ORC4: variants seen among roughly 807,000 people sequenced by gnomAD.
ORC4 encodes the protein origin recognition complex, subunit 4 homolog.
Under a neutral mutation model 63.9 loss-of-function variants are expected in ORC4, and 55 were observed. The observed-to-expected ratio is 0.86, with a 90% CI of 0.69 to 1.08. ORC4 has a LOEUF of 1.08. Ranked by LOEUF, ORC4 falls within the 50% of genes least tolerant of loss-of-function variation. The pLI, the probability that ORC4 is intolerant of heterozygous loss-of-function variation, is 0.00. For missense variants in ORC4, 511 were observed against 504.4 expected, an observed-to-expected ratio of 1.01 and a Z score of -0.13; for synonymous variants, 150 against 168.5, an observed-to-expected ratio of 0.89 and a Z score of 0.85.
intron 11 of ORC4, among the ~76,000 whole-genome samples, 183 bp downstream of exon 11, chr2:147,938,957 A>C (rs988741884): frequency 6.6e-6 from 1 of 152,178 alleles, no homozygotes; most frequent in African/African-American, 2.4e-5. Context: ...CAGAGCGTCA[A>C]ATTTTTTTTT....
chr2:147,964,059 G>C (rs1303534357), intron 4 of ORC4, among the ~76,000 whole-genome samples: 1 of 152,002 alleles, frequency 6.6e-6, no homozygotes, highest in Non-Finnish European at 1.5e-5. Flanking sequence ...ACATAAAAAA[G>C]CAAGAAAACA....
intron 1 of ORC4, among the ~76,000 whole-genome samples, chr2:148,013,808 C>T (rs1693110196): frequency 6.6e-6 from 1 of 152,032 alleles, no homozygotes; most frequent in Non-Finnish European, 1.5e-5. Flanking sequence ...AAAAGAAAGA[C>T]AATTAGGGTT....
intron 1 of ORC4, among the ~76,000 whole-genome samples, chr2:148,010,209 T>C (rs977611918): frequency 6.6e-6 from 1 of 152,026 alleles, no homozygotes; most frequent in Admixed American, 6.6e-5. Flanking sequence ...CTAAAGGGAA[T>C]GTTTATAGCA....
At chr2:147,980,876 T>C (rs934247576) in intron 1 of ORC4, among the ~76,000 whole-genome samples, 2 of 152,112 alleles carry the variant, frequency 1.3e-5, no homozygotes, top group Admixed American at 6.5e-5. Flanking sequence ...CATCAATATA[T>C]ACAAAGGAAA....
At chr2:147,948,531 C>A (rs572837807) in intron 8 of ORC4, among the ~76,000 whole-genome samples, 1 of 151,814 alleles carries the variant, frequency 6.6e-6, no homozygotes, top group African/African-American at 2.4e-5. Flanking sequence ...ACAATAACAC[C>A]AAGAGTGTCA....
In ORC4 at chr2:148,008,699, A is replaced by G. The variant is rs534146378; in HGVS notation, c.-18+11934T>C. The stretch of plus-strand genomic sequence containing the variant: ...CCTGTCATTCTCTTTAAATTAGCCA[A>G]TTGGAATTAGTTTAGCCCGTGCGGT... On this transcript the variant is annotated intron_variant, in intron 1 of 13. Coordinates refer to ENST00000392857, the MANE Select transcript of ORC4 (RefSeq NM_181741.4). Among the ~76,000 whole-genome samples, 7 of 152,168 alleles carry G rather than the reference A, an allele frequency of 4.6e-5. No individual in the cohort carries two copies. In the East Asian group the frequency reaches 7.7e-4, roughly 17 times the overall value.
At chr2:147,975,690 T>G (rs978247707) in intron 2 of ORC4, among the ~76,000 whole-genome samples, 2 of 152,162 alleles carry the variant, frequency 1.3e-5, no homozygotes, top group Non-Finnish European at 2.9e-5. Flanking sequence ...ACATTTAATT[T>G]TGACAGAGTT....
At chr2:148,009,026 G>A (rs1692791307) in intron 1 of ORC4, among the ~76,000 whole-genome samples, 1 of 152,100 alleles carries the variant, frequency 6.6e-6, no homozygotes, top group African/African-American at 2.4e-5. Flanking sequence ...TGGAGTAGAA[G>A]TGTACAGGTT....
At chr2:148,005,301 C>T (rs996059291) in intron 1 of ORC4, among the ~76,000 whole-genome samples, 5 of 151,972 alleles carry the variant, frequency 3.3e-5, no homozygotes, top group Non-Finnish European at 5.9e-5. Flanking sequence ...CAAACTAATA[C>T]AGGAACAGAA....
chr2:147,993,014 TA>T (rs1691718685), intron 1 of ORC4, among the ~76,000 whole-genome samples: 1 of 152,206 alleles, frequency 6.6e-6, no homozygotes. Flanking sequence ...TGCTGTTCCA[TA>T]CCCGGAAGGA....
intron 9 of ORC4, among the ~76,000 whole-genome samples, chr2:147,946,852 T>C (rs1688686206): frequency 6.6e-6 from 1 of 152,030 alleles, no homozygotes; most frequent in African/African-American, 2.4e-5. Flanking sequence ...GTAGACCAAG[T>C]AATTATTCCA....
chr2:147,943,526 A>G lies in ORC4; in HGVS notation c.763-4T>C. The G allele has an allele frequency of 1.3e-6, 2 of 1,505,580 alleles. No homozygotes were observed. The highest frequency in any genetic ancestry group is 1.8e-6 in the Non-Finnish European group (2 of 1,103,288). The allele number at this position is 1,505,580 out of a possible 1,614,324, so 93.3% of individuals were successfully genotyped here. Reference sequence around the variant, plus strand: ...CACTTCTATCTTCTGAGAGATACTAAAAGGAAAAAAAAAAAAAAAGCCAAA... The same window carrying G: ...CACTTCTATCTTCTGAGAGATACTAGAAGGAAAAAAAAAAAAAAAGCCAAA... On this transcript the variant is annotated splice_polypyrimidine_tract_variant and splice_region_variant and intron_variant, in intron 9 of 13. Transcript: ENST00000392857.
At chr2:147,972,568 T>C (rs1335404652) in intron 4 of ORC4, among the ~76,000 whole-genome samples, 171 bp downstream of exon 4, 1 of 152,074 alleles carries the variant, frequency 6.6e-6, no homozygotes, top group East Asian at 1.9e-4. Flanking sequence ...TATAAAGTTT[T>C]ACATGTCTTC....
At chr2:147,966,724 C>G (rs1484244980) in intron 4 of ORC4, among the ~76,000 whole-genome samples, 1 of 152,068 alleles carries the variant, frequency 6.6e-6, no homozygotes, top group Non-Finnish European at 1.5e-5. Context: ...AGTCTTCCAA[C>G]AAAGGAAAAT....
intron 2 of ORC4, among the ~76,000 whole-genome samples, 163 bp downstream of exon 2, chr2:147,975,739 T>A (rs934387896): frequency 6.6e-6 from 1 of 152,196 alleles, no homozygotes; most frequent in Non-Finnish European, 1.5e-5. Context: ...CTTACGACCT[T>A]GTGCTGGCAT....
At chr2:147,968,347 G>A (rs1325794510) in intron 4 of ORC4, among the ~76,000 whole-genome samples, 1 of 151,992 alleles carries the variant, frequency 6.6e-6, no homozygotes, top group African/African-American at 2.4e-5. Context: ...TCAACAGCAT[G>A]AAAAGACAAT....
At chr2:147,967,084 G>A (rs1233807791) in intron 4 of ORC4, among the ~76,000 whole-genome samples, 3 of 151,820 alleles carry the variant, frequency 2.0e-5, no homozygotes, top group Non-Finnish European at 4.4e-5. Flanking sequence ...ATGGAGGCCA[G>A]AAACTATATC....
chr2:147,988,043 ACT>A (rs1195363216), intron 1 of ORC4, among the ~76,000 whole-genome samples: 1 of 147,792 alleles, frequency 6.8e-6, no homozygotes, highest in Non-Finnish European at 1.5e-5. Context: ...ACAGAGCGAG[ACT>A]CTGTCTCAAA....
At chr2:147,957,351 T>C (rs932854900) in intron 6 of ORC4, among the ~76,000 whole-genome samples, 2 of 151,508 alleles carry the variant, frequency 1.3e-5, no homozygotes, top group African/African-American at 4.8e-5. Context: ...GGCGGTGTCA[T>C]TGCAGCACAA....
Sources: allele counts gnomAD v4.1 joint callset (sites outside exome capture counted in the v4.1 genomes callset), GRCh38; gene constraint gnomAD v4.1.1; transcripts MANE v1.5; gene names NCBI Gene and HGNC (gene_info 2026-07-23, HGNC 2026-07-21).